The following PTGFRN variants were observed in gnomAD, a reference collection of about 807,000 sequenced individuals.
PTGFRN encodes the protein prostaglandin F2 receptor inhibitor.
PTGFRN carries 35 observed loss-of-function variants against 83.2 expected under a neutral mutation model. The ratio of observed to expected loss-of-function variants is 0.42; its 90% confidence interval spans 0.32 to 0.56. The LOEUF (loss-of-function observed/expected upper bound fraction) is 0.56, where lower values mean the gene tolerates loss of function less well. PTGFRN is among the 20% of genes least tolerant of loss of function. The pLI, the probability that PTGFRN is intolerant of heterozygous loss-of-function variation, is 0.11. For synonymous variants in PTGFRN, 519 were observed against 498.6 expected, an observed-to-expected ratio of 1.04 and a Z score of -0.55; for missense variants, 1,051 against 1,179.5, an observed-to-expected ratio of 0.89 and a Z score of 1.60.
In PTGFRN at chr1:116,949,425, T is replaced by C; in HGVS notation, c.1066T>C (p.Tyr356His). The change falls in exon 4 of 9, where the codon TAC (tyrosine) becomes CAC (histidine). Residue 356 changes from tyrosine to histidine, a missense_variant. Transcript: ENST00000393203. ...TTTGAGTCATGTGGATGCACGCTCCTACCATTTACTGGTTCGGGATGTTAG... is the reference window on the plus strand; with the variant it reads ...TTTGAGTCATGTGGATGCACGCTCCCACCATTTACTGGTTCGGGATGTTAG... Reference protein sequence around the residue: ...VALSHVDARSYHLLVRDVSKE... With the variant: ...VALSHVDARSHHLLVRDVSKE... 2.5e-6 allele frequency: 4 copies of C among 1,614,274 alleles called. No individual in the cohort carries two copies. Among genetic ancestry groups the C allele is most frequent in the Non-Finnish European group, 3.4e-6 (4 of 1,180,046 alleles).
At chr1:116,943,752 C>T (rs1294374122) in intron 2 of PTGFRN, among the ~76,000 whole-genome samples, 2 of 152,064 alleles carry the variant, frequency 1.3e-5, no homozygotes, top group African/African-American at 4.8e-5. Flanking sequence ...GATGTGTCCT[C>T]CTAAAAATGT....
chr1:116,926,001 A>G (rs1044846406), intron 1 of PTGFRN, among the ~76,000 whole-genome samples: 6 of 152,214 alleles, frequency 3.9e-5, no homozygotes, highest in Non-Finnish European at 8.8e-5. Context: ...CTCATCAGGG[A>G]AGCTCGGCAT....
intron 7 of PTGFRN, among the ~76,000 whole-genome samples, chr1:116,981,088 T>A (rs1417430053): frequency 6.6e-6 from 1 of 152,170 alleles, no homozygotes; most frequent in Non-Finnish European, 1.5e-5. Flanking sequence ...TGCCTAAGAG[T>A]TGTGGGACCC....
intron 4 of PTGFRN, among the ~76,000 whole-genome samples, chr1:116,953,410 CA>C (rs1650396884): frequency 6.6e-6 from 1 of 152,140 alleles, no homozygotes; most frequent in Non-Finnish European, 1.5e-5. Context: ...TGCACGTGGC[CA>C]AGTGTTGGAG....
Position 116,990,201 on chromosome 1 carries a change from C to G in PTGFRN, c.*3234C>G, listed in dbSNP as rs1052825913. The G allele has an allele frequency of 2.0e-5, 3 of 152,656 alleles. No individual in the cohort carries two copies. The highest frequency in any genetic ancestry group is 7.2e-5 in the African/African-American group (3 of 41,466). 9.5% of individuals were successfully genotyped at this position (152,656 alleles called of 1,614,324 possible). On this transcript the variant is annotated 3_prime_UTR_variant, in exon 9 of 9. Coordinates refer to ENST00000393203, the MANE Select transcript of PTGFRN (RefSeq NM_020440.4). ...CTTTTTAAGTGTGGCACATAAGGAT[C>G]TGCAGAATTTTCCGTAGACAAAGAA...
chr1:116,920,592 T>A (rs566615403), intron 1 of PTGFRN, among the ~76,000 whole-genome samples: 1 of 152,304 alleles, frequency 6.6e-6, no homozygotes, highest in South Asian at 2.1e-4. Context: ...CTACTTTGGC[T>A]TTTACACCCT....
Position 116,945,088 on chromosome 1 carries a change from A to G in PTGFRN, c.828A>G (p.Pro276=), listed in dbSNP as rs10159095. 0.9 allele frequency: 1,455,894 copies of G among 1,610,390 alleles called. 659,111 individuals carry two copies. Among genetic ancestry groups the G allele is most frequent in the South Asian group, 0.93 (84,154 of 90,920 alleles). The change falls in exon 3 of 9, where the codon CCA becomes CCG. Residue 276 remains proline, a synonymous_variant. Transcript: ENST00000393203. ...AVEVATVVIQ[P]SVLRAAVPKN... ...AAGTTGCCACCGTGGTGATCCAGCC[A>G]TCAGGTGAGCTGGAAACGATGCGTT...
intron 6 of PTGFRN, among the ~76,000 whole-genome samples, chr1:116,971,052 G>GTTT (rs1650981510): frequency 6.6e-6 from 1 of 152,116 alleles, no homozygotes; most frequent in African/African-American, 2.4e-5. Flanking sequence ...GTAGAAAGAA[G>GTTT]GGAAAGAGAC....
intron 1 of PTGFRN, among the ~76,000 whole-genome samples, chr1:116,925,645 A>G (rs910566617): frequency 7.2e-5 from 11 of 152,236 alleles, no homozygotes; most frequent in Non-Finnish European, 5.9e-5. Context: ...TTTTTTCCTG[A>G]TTCTGCCTTC....
chr1:116,975,019 C>T (rs1238897661), intron 7 of PTGFRN, among the ~76,000 whole-genome samples: 1 of 152,186 alleles, frequency 6.6e-6, no homozygotes, highest in Non-Finnish European at 1.5e-5. Flanking sequence ...TTGGGTCACT[C>T]CCACCCTAAT....
chr1:116,932,946 C>T (rs1316660617), intron 1 of PTGFRN, among the ~76,000 whole-genome samples: 1 of 152,152 alleles, frequency 6.6e-6, no homozygotes, highest in Non-Finnish European at 1.5e-5. Context: ...TCTCAATTTC[C>T]TCATATCTGT....
intron 4 of PTGFRN, among the ~76,000 whole-genome samples, chr1:116,951,934 A>G (rs983200422): frequency 6.6e-6 from 1 of 152,220 alleles, no homozygotes; most frequent in African/African-American, 2.4e-5. Flanking sequence ...AGAAGTGACC[A>G]AAAAAGATAG....
At chr1:116,954,293 C>G (rs1650428015) in intron 4 of PTGFRN, among the ~76,000 whole-genome samples, 1 of 152,068 alleles carries the variant, frequency 6.6e-6, no homozygotes, top group African/African-American at 2.4e-5. Context: ...TCTCCCCTCC[C>G]ACCCCCTCCC....
rs140355100 is a variant in PTGFRN, at chr1:116,986,926, C to G, written c.2599C>G (p.Arg867Gly). 1.2e-4 allele frequency: 189 copies of G among 1,614,124 alleles called. No individual in the cohort carries two copies. The highest frequency in any genetic ancestry group is 7.8e-4 in the Admixed American group (47 of 60,016). Reference sequence around the variant, plus strand: ...TTGTAAGAAGGAGGTTCAGGAGACACGGCGCGAGCGCCGCAGGCTCATGTC... The same window carrying G: ...TTGTAAGAAGGAGGTTCAGGAGACAGGGCGCGAGCGCCGCAGGCTCATGTC... ...WCCKKEVQET[R>G]RERRRLMSME... is the part of the protein sequence containing the mutation. Residue 867 changes from arginine to glycine, a missense_variant, in exon 9 of 9, where the codon CGG (arginine) becomes GGG (glycine). Arg to Gly is a moderately radical substitution (Grantham distance 125). Transcript: ENST00000393203.
At chr1:116,929,659 C>A (rs566741838) in intron 1 of PTGFRN, among the ~76,000 whole-genome samples, 9 of 152,284 alleles carry the variant, frequency 5.9e-5, no homozygotes, top group South Asian at 2.1e-4. Context: ...CTCAGAGAGG[C>A]CTTTCCTGAC....
intron 4 of PTGFRN, among the ~76,000 whole-genome samples, chr1:116,950,708 G>A (rs1570661975): frequency 6.6e-6 from 1 of 152,262 alleles, no homozygotes; most frequent in East Asian, 1.9e-4. Flanking sequence ...TGGAGACAGA[G>A]GGGGCAGGGA....
At chr1:116,915,983 C>T (rs967718438) in intron 1 of PTGFRN, among the ~76,000 whole-genome samples, 1 of 152,164 alleles carries the variant, frequency 6.6e-6, no homozygotes, top group African/African-American at 2.4e-5. Context: ...CTCCCCACAC[C>T]AACTGTAGTC....
intron 4 of PTGFRN, among the ~76,000 whole-genome samples, chr1:116,954,375 G>T (rs1355396669): frequency 6.6e-6 from 1 of 151,920 alleles, no homozygotes; most frequent in Non-Finnish European, 1.5e-5. Context: ...TATACAAATG[G>T]TGATCGTGGT....
intron 1 of PTGFRN, among the ~76,000 whole-genome samples, chr1:116,910,883 A>G (rs1291432878): frequency 6.6e-6 from 1 of 152,110 alleles, no homozygotes; most frequent in Admixed American, 6.5e-5. Flanking sequence ...GAAGCTGCCT[A>G]GCTGCGTATT....
Sources: gnomAD v4.1 joint callset for allele counts (sites outside exome capture counted in the v4.1 genomes callset) on GRCh38, gnomAD v4.1.1 for gene constraint, MANE v1.5 for transcripts, NCBI Gene and HGNC (gene_info 2026-07-23, HGNC 2026-07-21) for gene names.